Variants in AUH observed in about 807,000 individuals in gnomAD.
AUH encodes methylglutaconyl-CoA hydratase, mitochondrial.
Under a neutral mutation model 42.3 loss-of-function variants are expected in AUH, and 29 were observed. The observed-to-expected ratio is 0.69, with a 90% CI of 0.51 to 0.93. AUH has a LOEUF of 0.93. AUH is among the 40% of genes least tolerant of loss of function. The probability of loss-of-function intolerance (pLI) is 0.00; values close to 1 mark genes in which losing one functional copy is unlikely to be tolerated. For synonymous variants in AUH, 174 were observed against 166.4 expected, an observed-to-expected ratio of 1.05 and a Z score of -0.35; for missense variants, 452 against 438.1, an observed-to-expected ratio of 1.03 and a Z score of -0.28.
chr9:91,257,745 C>T (rs1384389317), intron 6 of AUH, among the ~76,000 whole-genome samples: 1 of 152,170 alleles, frequency 6.6e-6, no homozygotes, highest in African/African-American at 2.4e-5. Context: ...ACCAACTTTG[C>T]TCTTTGCATT....
chr9:91,261,843 A>T (rs1259318713), intron 6 of AUH, among the ~76,000 whole-genome samples: 2 of 152,202 alleles, frequency 1.3e-5, no homozygotes, highest in African/African-American at 4.8e-5. Context: ...TAGTAATTTA[A>T]AGTAGAAAGA....
intron 9 of AUH, among the ~76,000 whole-genome samples, chr9:91,215,601 G>A (rs1297107480): frequency 1.3e-5 from 2 of 152,004 alleles, no homozygotes; most frequent in African/African-American, 2.4e-5. Context: ...GAAAAGGGCC[G>A]ACTGTGTAAA....
chr9:91,312,498 T>G (rs973195970), intron 4 of AUH, among the ~76,000 whole-genome samples: 6 of 152,108 alleles, frequency 3.9e-5, no homozygotes, highest in African/African-American at 7.2e-5. Flanking sequence ...GAGGCCAAGG[T>G]GGGGGTATCA....
chr9:91,339,432 G>C (rs1437553794), intron 3 of AUH, among the ~76,000 whole-genome samples: 1 of 152,180 alleles, frequency 6.6e-6, no homozygotes, highest in Non-Finnish European at 1.5e-5. Context: ...TTGAGCAAAT[G>C]AGTCAATATA....
At chr9:91,218,570 G>A (rs1007684902) in intron 7 of AUH, 1 of 964,336 alleles carries the variant, frequency 1.0e-6, no homozygotes, top group Non-Finnish European at 1.2e-6. Flanking sequence ...AGATGCCCAG[G>A]CTGCTGGTCC....
At chr9:91,352,135 G>GC (rs1832034528) in intron 3 of AUH, among the ~76,000 whole-genome samples, 1 of 152,032 alleles carries the variant, frequency 6.6e-6, no homozygotes, top group South Asian at 2.1e-4. Context: ...ATTTAGCTGG[G>GC]CATGGTGGCA....
chr9:91,274,224 G>A (rs1390259826), intron 6 of AUH, among the ~76,000 whole-genome samples: 3 of 152,138 alleles, frequency 2.0e-5, no homozygotes, highest in African/African-American at 7.2e-5. Context: ...ACAAAATATA[G>A]AGAAAATCAT....
intron 4 of AUH, among the ~76,000 whole-genome samples, chr9:91,324,627 G>A (rs1168539000): frequency 6.8e-6 from 1 of 146,202 alleles, no homozygotes. Context: ...AAATTAAAAT[G>A]TTGAGTTTTT....
At chr9:91,361,226 C>T (rs533213733) in intron 1 of AUH, among the ~76,000 whole-genome samples, 1 of 152,240 alleles carries the variant, frequency 6.6e-6, no homozygotes, top group Admixed American at 6.5e-5. Context: ...GCAGTTTCAC[C>T]GCAGCTTTTA....
At chr9:91,341,542 C>G (rs527555182) in intron 3 of AUH, among the ~76,000 whole-genome samples, 2 of 152,354 alleles carry the variant, frequency 1.3e-5, no homozygotes, top group South Asian at 4.1e-4. Context: ...GAACAAATCA[C>G]TCTTCTTAAC....
chr9:91,283,681 G>C (rs1826163790), intron 6 of AUH, among the ~76,000 whole-genome samples: 1 of 152,130 alleles, frequency 6.6e-6, no homozygotes, highest in African/African-American at 2.4e-5. Context: ...GACAAACAGA[G>C]AGCCAAATCA....
chr9:91,300,457 C>A (rs1025719994), intron 4 of AUH, among the ~76,000 whole-genome samples: 18 of 152,190 alleles, frequency 1.2e-4, no homozygotes, highest in African/African-American at 3.9e-4. Flanking sequence ...GTCCTCCTTG[C>A]CAATGCCCTT....
chr9:91,214,993 C>T (rs1227749955), intron 9 of AUH, among the ~76,000 whole-genome samples: 1 of 152,132 alleles, frequency 6.6e-6, no homozygotes, highest in African/African-American at 2.4e-5. Context: ...GGCTCTGAGG[C>T]TATTTCTAAG....
At chr9:91,285,204 G>A (rs1024929255) in intron 6 of AUH, among the ~76,000 whole-genome samples, 1 of 151,682 alleles carries the variant, frequency 6.6e-6, no homozygotes, top group East Asian at 1.9e-4. Flanking sequence ...GCAAACTATT[G>A]CAAGGACAAA....
At chr9:91,334,878 A>G (rs1830587687) in intron 3 of AUH, among the ~76,000 whole-genome samples, 1 of 152,182 alleles carries the variant, frequency 6.6e-6, no homozygotes, top group Admixed American at 6.5e-5. Context: ...ACAGGCTTTT[A>G]TTCTCTCCAA....
At chr9:91,247,923 T>C (rs1424570098) in intron 6 of AUH, among the ~76,000 whole-genome samples, 1 of 152,230 alleles carries the variant, frequency 6.6e-6, no homozygotes, top group Non-Finnish European at 1.5e-5. Flanking sequence ...AAGTCCTTTA[T>C]CAAAAATATG....
chr9:91,230,984 G>A (rs533346862), intron 6 of AUH, among the ~76,000 whole-genome samples: 3 of 152,236 alleles, frequency 2.0e-5, no homozygotes, highest in Non-Finnish European at 1.5e-5. Flanking sequence ...ATTTAAGTCT[G>A]CAGAGGTTAC....
At chr9:91,285,279 G>A (rs1826308479) in intron 6 of AUH, among the ~76,000 whole-genome samples, 1 of 150,016 alleles carries the variant, frequency 6.7e-6, no homozygotes, top group Non-Finnish European at 1.5e-5. Flanking sequence ...TTGGACATAG[G>A]AAGGGGAACA....
chr9:91,345,809 G>C (rs557281468), intron 3 of AUH, among the ~76,000 whole-genome samples: 1 of 149,056 alleles, frequency 6.7e-6, no homozygotes, highest in Non-Finnish European at 1.5e-5. Flanking sequence ...CTCCAGCCTG[G>C]GTGACAGAGT....
Sources: allele counts gnomAD v4.1 joint callset (sites outside exome capture counted in the v4.1 genomes callset), GRCh38; gene constraint gnomAD v4.1.1; transcripts MANE v1.5; gene names NCBI Gene and HGNC (gene_info 2026-07-23, HGNC 2026-07-21).